The following MARCHF1 variants were observed in gnomAD, a reference collection of about 807,000 sequenced individuals.
MARCHF1 encodes the protein E3 ubiquitin-protein ligase MARCHF1.
Under a neutral mutation model 54.2 loss-of-function variants are expected in MARCHF1, and 40 were observed. The observed-to-expected ratio is 0.74, with a 90% confidence interval of 0.57 to 0.96. MARCHF1 has a LOEUF of 0.96. Ranked by LOEUF, MARCHF1 falls within the 40% of genes least tolerant of loss-of-function variation. The pLI, the probability that MARCHF1 is intolerant of heterozygous loss-of-function variation, is 0.00. For missense variants in MARCHF1, 586 were observed against 656.5 expected, an observed-to-expected ratio of 0.89 and a Z score of 1.17; for synonymous variants, 236 against 236.3, an observed-to-expected ratio of 1.00 and a Z score of 0.01.
intron 3 of MARCHF1, among the ~76,000 whole-genome samples, chr4:163,862,968 G>A (rs1749973012): frequency 6.6e-6 from 1 of 152,034 alleles, no homozygotes; most frequent in South Asian, 2.1e-4. Flanking sequence ...ACTGAAAGGT[G>A]CTACTTTCTG....
At chr4:163,723,300 T>A (rs1745539424) in intron 4 of MARCHF1, among the ~76,000 whole-genome samples, 1 of 152,218 alleles carries the variant, frequency 6.6e-6, no homozygotes, top group South Asian at 2.1e-4. Context: ...TTTGGCTGGA[T>A]ATGAAATTCT....
chr4:164,051,717 T>C (rs1169943229), intron 2 of MARCHF1, among the ~76,000 whole-genome samples: 1 of 152,128 alleles, frequency 6.6e-6, no homozygotes, highest in Non-Finnish European at 1.5e-5. Context: ...GTCTAACTGA[T>C]TCCCTTGTCC....
At chr4:163,886,304 CATAG>C (rs10560054) in intron 3 of MARCHF1, among the ~76,000 whole-genome samples, 74,928 of 144,880 alleles carry the variant, frequency 0.52, 20,194 homozygotes, top group Non-Finnish European at 0.61. Flanking sequence ...TCTTAATAGA[CATAG>C]ATAGATAGAT....
chr4:163,622,927 G>A (rs999330607), intron 5 of MARCHF1, among the ~76,000 whole-genome samples: 1 of 152,170 alleles, frequency 6.6e-6, no homozygotes, highest in Non-Finnish European at 1.5e-5. Flanking sequence ...AGCCTGTCTT[G>A]AGAGGCCCTA....
intron 4 of MARCHF1, among the ~76,000 whole-genome samples, chr4:163,767,993 T>C (rs1747040027): frequency 6.6e-6 from 1 of 152,244 alleles, no homozygotes; most frequent in Non-Finnish European, 1.5e-5. Context: ...TGAGGGTCTC[T>C]GTACAGAGAT....
chr4:163,779,027 T>C (rs1413673939), intron 4 of MARCHF1, among the ~76,000 whole-genome samples: 1 of 152,224 alleles, frequency 6.6e-6, no homozygotes, highest in Non-Finnish European at 1.5e-5. Flanking sequence ...AGCATTTCCA[T>C]AAATTTTCTC....
At chr4:164,286,305 T>C (rs1234859624) in intron 1 of MARCHF1, among the ~76,000 whole-genome samples, 3 of 152,188 alleles carry the variant, frequency 2.0e-5, no homozygotes, top group African/African-American at 4.8e-5. Flanking sequence ...TGTATGAGGA[T>C]TGAAAAATTG....
At chr4:164,179,972 G>A (rs1323374829) in intron 1 of MARCHF1, among the ~76,000 whole-genome samples, 1 of 148,514 alleles carries the variant, frequency 6.7e-6, no homozygotes, top group Non-Finnish European at 1.5e-5. Context: ...CATACTAGAT[G>A]GTAAAACTTC....
chr4:163,888,078 G>A (rs957244352), intron 3 of MARCHF1, among the ~76,000 whole-genome samples: 4 of 152,112 alleles, frequency 2.6e-5, no homozygotes, highest in African/African-American at 4.8e-5. Context: ...GGATGTCTGC[G>A]CTTTAAAACT....
intron 2 of MARCHF1, among the ~76,000 whole-genome samples, chr4:164,035,930 TAAA>T (rs35474146): frequency 0.37 from 43,175 of 116,728 alleles, 8,215 homozygotes; most frequent in Middle Eastern, 0.53. Context: ...AAACTAAAAC[TAAA>T]AAAAAAAAAA....
chr4:163,923,368 C>T (rs1751472075), intron 3 of MARCHF1, among the ~76,000 whole-genome samples: 1 of 152,072 alleles, frequency 6.6e-6, no homozygotes, highest in Non-Finnish European at 1.5e-5. Context: ...AGTATTTCTT[C>T]ATTTCTCTCT....
At chr4:164,241,099 G>A (rs72989504) in intron 1 of MARCHF1, among the ~76,000 whole-genome samples, 1,753 of 152,042 alleles carry the variant, frequency 0.012, 33 homozygotes, top group African/African-American at 0.04. Flanking sequence ...GCAACCATCT[G>A]ACATCACTGA....
chr4:164,197,753 A>G (rs1424626497), intron 1 of MARCHF1: 5 of 1,610,414 alleles, frequency 3.1e-6, no homozygotes, highest in Non-Finnish European at 4.2e-6. Context: ...TGCCAGCCGA[A>G]TTCAATCAAT....
intron 7 of MARCHF1, 91 bp from the exon 8 acceptor site, chr4:163,586,020 T>C (rs1740401293): frequency 8.8e-7 from 1 of 1,130,010 alleles, no homozygotes; most frequent in East Asian, 2.6e-5. Flanking sequence ...AGGGCTATTA[T>C]AAACCGCAAC....
chr4:164,025,747 A>G (rs1753754753), intron 2 of MARCHF1, among the ~76,000 whole-genome samples: 1 of 151,990 alleles, frequency 6.6e-6, no homozygotes, highest in African/African-American at 2.4e-5. Flanking sequence ...ACTGAATTAA[A>G]TTGAGAGGCA....
At position 163,980,155 on chromosome 4, in the gene MARCHF1, G is replaced by T. The variant is rs1482128574; in HGVS notation, c.-39+8346C>A. Among the ~76,000 whole-genome samples, 1,188 of 139,806 alleles carry T rather than the reference G, an allele frequency of 8.5e-3. 10 individuals are homozygous for T. Among genetic ancestry groups the T allele is most frequent in the Non-Finnish European group, 0.013 (870 of 64,838 alleles). The allele number at this position is 139,806 out of a possible 152,430, so 91.7% of individuals were successfully genotyped here. A position where few individuals can be genotyped will look rare whatever the true frequency, so the allele number is the denominator to read the frequency against. ...CAGTAACCAAAACAGCATGGTACTGGTACCAAAACAGAGATATAGATCAAT... is the reference window on the plus strand; with the variant it reads ...CAGTAACCAAAACAGCATGGTACTGTTACCAAAACAGAGATATAGATCAAT... On this transcript the variant is annotated intron_variant, in intron 3 of 9. Coordinates refer to ENST00000514618, the MANE Select transcript of MARCHF1 (RefSeq NM_001394959.1).
chr4:164,297,514 AG>A (rs1187149460), intron 1 of MARCHF1, among the ~76,000 whole-genome samples: 12 of 152,196 alleles, frequency 7.9e-5, no homozygotes, highest in Non-Finnish European at 1.8e-4. Flanking sequence ...TACTCCTCAA[AG>A]CTGTAAAGGT....
At chr4:164,096,664 A>C (rs1035319916) in intron 2 of MARCHF1, among the ~76,000 whole-genome samples, 2 of 152,144 alleles carry the variant, frequency 1.3e-5, no homozygotes, top group African/African-American at 2.4e-5. Flanking sequence ...AAAAGAATCA[A>C]AGTTAGAGAA....
intron 5 of MARCHF1, among the ~76,000 whole-genome samples, chr4:163,691,528 C>T (rs1744457014): frequency 6.6e-6 from 1 of 152,106 alleles, no homozygotes; most frequent in Non-Finnish European, 1.5e-5. Context: ...ATTTCTCAGG[C>T]AAGCTACCCA....
Sources: gnomAD v4.1 joint callset for allele counts (sites outside exome capture counted in the v4.1 genomes callset) on GRCh38, gnomAD v4.1.1 for gene constraint, MANE v1.5 for transcripts, NCBI Gene and HGNC (gene_info 2026-07-23, HGNC 2026-07-21) for gene names.